AR: variants seen among roughly 807,000 people sequenced by gnomAD.
AR encodes the protein dihydrotestosterone receptor.
A neutral mutation model predicts 53.9 loss-of-function variants in AR; 8 were observed. That is an observed-to-expected ratio of 0.15 (90% CI 0.09 to 0.27). The LOEUF (loss-of-function observed/expected upper bound fraction) is 0.27. Ranked by LOEUF, AR falls within the 10% of genes least tolerant of loss-of-function variation. The pLI is 1.00. For missense variants in AR, 639 were observed against 742.5 expected (o/e 0.86, Z 1.62); for synonymous variants, 359 against 316.4 (o/e 1.13, Z -1.43).
At chrX:67,678,940 G>T (rs1051375196) in intron 2 of AR, among the ~76,000 whole-genome samples, 3 of 111,425 alleles carry the variant, frequency 2.7e-5, no homozygotes, top group Non-Finnish European at 5.7e-5. Flanking sequence ...TATATAGAAG[G>T]AATAAGTTAT....
chrX:67,619,345 G>C (rs902484289), intron 1 of AR, among the ~76,000 whole-genome samples: 1 of 110,951 alleles, frequency 9.0e-6, no homozygotes, highest in East Asian at 2.8e-4. Context: ...GTGTGTGTGT[G>C]TGTGTGTAAT....
chrX:67,689,622 T>C, intron 3 of AR: 1 of 959,454 alleles, frequency 1.0e-6, no homozygotes, highest in Non-Finnish European at 1.3e-6. Flanking sequence ...CCTTAAAGAC[T>C]ACCTTCAGAC....
chrX:67,600,331 A>G (rs1923293566), intron 1 of AR, among the ~76,000 whole-genome samples: 1 of 111,697 alleles, frequency 9.0e-6, no homozygotes, highest in Non-Finnish European at 1.9e-5. Context: ...AAAATGTGGT[A>G]CATATATACA....
chrX:67,606,557 A>G lies in AR; in HGVS notation c.1617-36699A>G, dbSNP rs745458208. On this transcript the variant is annotated intron_variant, in intron 1 of 7. Transcript: ENST00000374690. The stretch of plus-strand genomic sequence containing the variant: ...CAGATCTCAAAAACTTCTAACAAAA[A>G]CTTTTTACCCTTTGAAGATATTGAA... 5.4e-5 allele frequency among the ~76,000 whole-genome samples: 6 copies of G among 111,488 alleles called. No homozygotes were observed. The South Asian group carries it at 1.9e-3, about 35-fold the overall frequency.
intron 2 of AR, among the ~76,000 whole-genome samples, chrX:67,683,218 A>T (rs1055130362): frequency 9.8e-5 from 11 of 111,870 alleles, no homozygotes; most frequent in African/African-American, 3.6e-4. Context: ...TTCTAAGGCA[A>T]TGTTAACTAC....
At chrX:67,688,089 C>T (rs2075976699) in intron 3 of AR, among the ~76,000 whole-genome samples, 1 of 111,760 alleles carries the variant, frequency 8.9e-6, no homozygotes, top group African/African-American at 3.3e-5. Flanking sequence ...GCTTGGTGAA[C>T]ACAATGAAGA....
intron 1 of AR, among the ~76,000 whole-genome samples, chrX:67,610,357 T>G (rs900099817): frequency 9.0e-6 from 1 of 111,397 alleles, no homozygotes; most frequent in African/African-American, 3.3e-5. Flanking sequence ...GGTTTGATAT[T>G]TTTTATTAGC....
chrX:67,617,595 G>T (rs972652886), intron 1 of AR, among the ~76,000 whole-genome samples: 1 of 111,574 alleles, frequency 9.0e-6, no homozygotes, highest in Non-Finnish European at 1.9e-5. Context: ...TCCCTTGAAG[G>T]TTCCCTTGAC....
chrX:67,569,615 G>A (rs1387702540), intron 1 of AR, among the ~76,000 whole-genome samples: 1 of 111,447 alleles, frequency 9.0e-6, no homozygotes, highest in Non-Finnish European at 1.9e-5. Flanking sequence ...CTTTTTACCA[G>A]TTCTGTCTTT....
At chrX:67,556,303 T>C (rs1285542148) in intron 1 of AR, among the ~76,000 whole-genome samples, 3 of 111,853 alleles carry the variant, frequency 2.7e-5, no homozygotes, top group African/African-American at 9.8e-5. Flanking sequence ...CCTGCTTTTA[T>C]CTCACAGCTC....
intron 3 of AR, among the ~76,000 whole-genome samples, chrX:67,690,937 G>A (rs1239190945): frequency 9.0e-6 from 1 of 111,709 alleles, no homozygotes; most frequent in Non-Finnish European, 1.9e-5. Context: ...TGGGGAAATG[G>A]TAAGGGCAAG....
At chrX:67,607,042 T>A (rs775636077) in intron 1 of AR, among the ~76,000 whole-genome samples, 98 of 111,423 alleles carry the variant, frequency 8.8e-4, no homozygotes, top group African/African-American at 2.7e-3. Flanking sequence ...TTTTTTTTTT[T>A]ATTTGAGATG....
intron 3 of AR, among the ~76,000 whole-genome samples, chrX:67,691,206 A>G (rs976582667): frequency 2.7e-5 from 3 of 111,909 alleles, no homozygotes; most frequent in African/African-American, 6.5e-5. Flanking sequence ...AGTTACCTCC[A>G]TTTGGGTTGT....
intron 2 of AR, 33 bp downstream of exon 2, chrX:67,643,440 CT>C (rs1925893549): frequency 8.4e-7 from 1 of 1,186,243 alleles, no homozygotes; most frequent in Non-Finnish European, 1.1e-6. Flanking sequence ...TTCTCTTTCC[CT>C]TTCTCCTTTA....
intron 2 of AR, among the ~76,000 whole-genome samples, chrX:67,669,203 C>T (rs1927418302): frequency 9.0e-6 from 1 of 110,837 alleles, no homozygotes; most frequent in Admixed American, 9.6e-5. Context: ...CATAATATTG[C>T]TTTTGCTGTA....
At chrX:67,663,249 G>T (rs1029889974) in intron 2 of AR, among the ~76,000 whole-genome samples, 2 of 111,981 alleles carry the variant, frequency 1.8e-5, no homozygotes, top group Non-Finnish European at 3.8e-5. Context: ...GTATGTTTTT[G>T]CAGTGGCTGG....
intron 1 of AR, among the ~76,000 whole-genome samples, chrX:67,585,504 C>T (rs765459463): frequency 9.0e-6 from 1 of 111,665 alleles, no homozygotes; most frequent in African/African-American, 3.3e-5. Flanking sequence ...CATTATAACT[C>T]AAATGACTAG....
intron 1 of AR, among the ~76,000 whole-genome samples, chrX:67,619,092 A>C (rs1924250908): frequency 9.0e-6 from 1 of 111,490 alleles, no homozygotes; most frequent in African/African-American, 3.3e-5. Context: ...TCAGTGTTCC[A>C]TATTGCTAAT....
intron 1 of AR, among the ~76,000 whole-genome samples, chrX:67,571,821 T>G: frequency 9.1e-6 from 1 of 110,237 alleles, no homozygotes; most frequent in East Asian, 2.9e-4. Flanking sequence ...GAATGTAAAA[T>G]AATGAAAATT....
Sources: allele counts gnomAD v4.1 joint callset (sites outside exome capture counted in the v4.1 genomes callset), GRCh38; gene constraint gnomAD v4.1.1; transcripts MANE v1.5; gene names NCBI Gene and HGNC (gene_info 2026-07-23, HGNC 2026-07-21).